Variants in IL1R1 observed in about 807,000 individuals in gnomAD.
The protein encoded by IL1R1 is interleukin 1 receptor type 1.
IL1R1 carries 22 observed loss-of-function variants against 50.2 expected under a neutral mutation model. The ratio of observed to expected loss-of-function variants is 0.44; its 90% CI spans 0.31 to 0.63. The LOEUF (loss-of-function observed/expected upper bound fraction) is 0.63, where lower values mean the gene tolerates loss of function less well. Among genes scored for constraint, IL1R1 ranks in the 20% least tolerant of loss-of-function variants. IL1R1 has a pLI of 0.07. For synonymous variants in IL1R1, 251 were observed against 236.7 expected, an observed-to-expected ratio of 1.06 and a Z score of -0.55; for missense variants, 509 against 676.2, an observed-to-expected ratio of 0.75 and a Z score of 2.74.
At chr2:102,100,525 A>T (rs147819777), upstream of IL1R1, among the ~76,000 whole-genome samples, 58 of 152,368 alleles carry the variant, frequency 3.8e-4, no homozygotes, top group Non-Finnish European at 6.3e-4. Flanking sequence ...GCAGATACTT[A>T]CATGAAATTC....
At chr2:102,155,998 G>A (rs2104520262) in intron 2 of IL1R1, 1 of 152,308 alleles carries the variant, frequency 6.6e-6, no homozygotes. Context: ...CAGGTCTTGT[G>A]ACTAAATGAA....
At chr2:102,111,832 CTCCAGGTGTAAGTAGGGTTATCTT>C (rs1457931434) in intron 1 of IL1R1, among the ~76,000 whole-genome samples, 1 of 152,222 alleles carries the variant, frequency 6.6e-6, no homozygotes, top group East Asian at 1.9e-4. Context: ...ACATCCTTTT[CTCCAGGTGTAAGTAGGGTTATCTT>C]TCTAACTTTA....
chr2:102,117,975 A>G (rs1445611983), intron 1 of IL1R1, among the ~76,000 whole-genome samples: 5 of 150,294 alleles, frequency 3.3e-5, no homozygotes, highest in Non-Finnish European at 7.4e-5. Flanking sequence ...ATATATATAC[A>G]CATATAATAT....
intron 3 of IL1R1, among the ~76,000 whole-genome samples, chr2:102,164,249 A>G (rs1684973976): frequency 6.6e-6 from 1 of 152,024 alleles, no homozygotes; most frequent in Non-Finnish European, 1.5e-5. Flanking sequence ...TTTTCTACCC[A>G]GGTTCTCAGC....
intron 1 of IL1R1, among the ~76,000 whole-genome samples, chr2:102,118,387 T>A (rs1442629703): frequency 6.6e-6 from 1 of 152,192 alleles, no homozygotes; most frequent in Non-Finnish European, 1.5e-5. Context: ...CTTTATTGTA[T>A]TCTTTATTAC....
intron 10 of IL1R1, 135 bp downstream of exon 10, chr2:102,174,865 TC>T (rs1478810889): frequency 1.6e-6 from 1 of 627,594 alleles, no homozygotes; most frequent in Non-Finnish European, 2.6e-6. Flanking sequence ...TACTAGTTAT[TC>T]TTACACAGAA....
intron 1 of IL1R1, among the ~76,000 whole-genome samples, chr2:102,092,619 C>T (rs545509734): frequency 7.2e-5 from 11 of 152,112 alleles, no homozygotes; most frequent in Admixed American, 3.3e-4. Flanking sequence ...CTGTTCTAAA[C>T]GTAACATTGA....
At chr2:102,071,736 A>T (rs1346463939) in intron 1 of IL1R1, among the ~76,000 whole-genome samples, 1 of 152,158 alleles carries the variant, frequency 6.6e-6, no homozygotes, top group Non-Finnish European at 1.5e-5. Context: ...TTGTAGTGGC[A>T]CCAGGCTTTA....
chr2:102,132,434 C>A (rs1482349310), intron 1 of IL1R1, among the ~76,000 whole-genome samples: 1 of 151,974 alleles, frequency 6.6e-6, no homozygotes, highest in Non-Finnish European at 1.5e-5. Context: ...TAGGGTGATA[C>A]AGTATCATTT....
In IL1R1 at chr2:102,155,005, T is replaced by C. The variant is rs376348204; in HGVS notation, c.-7+988T>C. On this transcript the variant is annotated intron_variant, in intron 2 of 11. Transcript: ENST00000410023. ...CCCCACATCACAGTCTAACTCTGTG[T>C]CCACATTCCCTGCAACTGCTGAGCT... Among the ~76,000 whole-genome samples, 307 of 152,300 alleles carry C rather than the reference T, an allele frequency of 2.0e-3. 1 individual carries two copies. Among genetic ancestry groups the C allele is most frequent in the Non-Finnish European group, 2.3e-3 (158 of 68,012 alleles).
chr2:102,103,443 C>T (rs558863274), upstream of IL1R1, among the ~76,000 whole-genome samples: 18 of 152,262 alleles, frequency 1.2e-4, no homozygotes, highest in Admixed American at 7.8e-4. Flanking sequence ...AGCATTGAAG[C>T]AGAGGTTTGA....
intron 1 of IL1R1, among the ~76,000 whole-genome samples, chr2:102,144,611 G>A (rs1682955167): frequency 1.3e-5 from 2 of 152,182 alleles, no homozygotes; most frequent in African/African-American, 2.4e-5. Flanking sequence ...GTGGTGGGGA[G>A]ACAGCGGTGA....
intron 1 of IL1R1, among the ~76,000 whole-genome samples, chr2:102,111,859 T>A (rs1680784358): frequency 6.6e-6 from 1 of 152,154 alleles, no homozygotes; most frequent in Admixed American, 6.5e-5. Context: ...GTTATCTTTC[T>A]AACTTTAGAA....
intron 1 of IL1R1, among the ~76,000 whole-genome samples, chr2:102,098,954 G>A (rs192152150): frequency 6.6e-6 from 1 of 152,294 alleles, no homozygotes; most frequent in Admixed American, 6.5e-5. Flanking sequence ...CAATAAGTCA[G>A]ATGCATTTAT....
At chr2:102,102,910 A>G (rs1680204908), upstream of IL1R1, among the ~76,000 whole-genome samples, 1 of 152,140 alleles carries the variant, frequency 6.6e-6, no homozygotes, top group Non-Finnish European at 1.5e-5. Context: ...AAAATCAAAT[A>G]CTGCATGGTC....
intron 1 of IL1R1, among the ~76,000 whole-genome samples, chr2:102,131,933 C>T (rs2104417669): frequency 6.6e-6 from 1 of 152,060 alleles, no homozygotes; most frequent in South Asian, 2.1e-4. Context: ...AAGAAAAAAT[C>T]TTAGAAGCCT....
In IL1R1 at chr2:102,149,963, C is replaced by T. The variant is rs73943996; in HGVS notation, c.-83-3978C>T. Among the ~76,000 whole-genome samples the T allele has an allele frequency of 5.8e-3, 881 of 152,212 alleles. 14 individuals carry two copies. Among genetic ancestry groups the T allele is most frequent in the African/African-American group, 0.02 (843 of 41,546 alleles). ...CCCCAGCTCTGGGCACCTCTGCTGCCGCTGTCCCCAGAAGTGGACCTCCAG... is the reference window on the plus strand; with the variant it reads ...CCCCAGCTCTGGGCACCTCTGCTGCTGCTGTCCCCAGAAGTGGACCTCCAG... On this transcript the variant is annotated intron_variant, in intron 1 of 11. Transcript: ENST00000410023.
intron 1 of IL1R1, among the ~76,000 whole-genome samples, chr2:102,133,276 C>T (rs956724154): frequency 9.3e-5 from 14 of 150,188 alleles, no homozygotes; most frequent in African/African-American, 3.4e-4. Context: ...TCCCACAAGG[C>T]AAATTCCAGG....
chr2:102,136,252 G>A (rs911608070), intron 1 of IL1R1, among the ~76,000 whole-genome samples: 6 of 152,172 alleles, frequency 3.9e-5, no homozygotes, highest in East Asian at 3.9e-4. Flanking sequence ...TAATCTACCC[G>A]TGATAGGGCA....
Sources: allele counts gnomAD v4.1 joint callset (sites outside exome capture counted in the v4.1 genomes callset), GRCh38; gene constraint gnomAD v4.1.1; transcripts MANE v1.5; gene names NCBI Gene and HGNC (gene_info 2026-07-23, HGNC 2026-07-21).